The following EYS variants were observed in gnomAD, a reference collection of about 807,000 sequenced individuals.
The protein encoded by EYS is EGF-like photoreceptor maintenance factor.
Under a neutral mutation model 282.1 loss-of-function variants are expected in EYS, and 250 were observed. That is an observed-to-expected ratio of 0.89 (90% confidence interval 0.80 to 0.98). The LOEUF (loss-of-function observed/expected upper bound fraction) is 0.98, where lower values mean the gene tolerates loss of function less well. Among genes scored for constraint, EYS ranks in the 50% least tolerant of loss-of-function variants. The pLI is 0.00. For synonymous variants in EYS, 1,355 were observed against 1,282.9 expected, an observed-to-expected ratio of 1.06 and a Z score of -1.20; for missense variants, 4,016 against 3,709.0, an observed-to-expected ratio of 1.08 and a Z score of -2.15.
At chr6:65,177,101 G>A (rs1336110944) in intron 12 of EYS, among the ~76,000 whole-genome samples, 1 of 151,570 alleles carries the variant, frequency 6.6e-6, no homozygotes, top group Non-Finnish European at 1.5e-5. Context: ...TTAACTAAGG[G>A]AATTTGTAAT....
At chr6:64,450,795 T>C (rs1342913691) in intron 26 of EYS, among the ~76,000 whole-genome samples, 2 of 152,292 alleles carry the variant, frequency 1.3e-5, no homozygotes, top group Admixed American at 1.3e-4. Context: ...AATAAAGATG[T>C]TCTTTGAAAG....
intron 22 of EYS, among the ~76,000 whole-genome samples, chr6:64,666,243 TTAAAAA>T (rs1346694022): frequency 6.6e-5 from 10 of 152,144 alleles, no homozygotes; most frequent in Admixed American, 2.6e-4. Context: ...AACCTAAAAC[TTAAAAA>T]TAAAACAAAA....
intron 22 of EYS, among the ~76,000 whole-genome samples, chr6:64,634,834 T>C (rs1767917474): frequency 6.6e-6 from 1 of 152,170 alleles, no homozygotes; most frequent in South Asian, 2.1e-4. Context: ...TAAAAGAAAT[T>C]AGATTTTTAT....
rs569942971 is a variant in EYS, at chr6:65,666,336, G to C, written c.-447-26444C>G. ...TAGAAGCAATAGTAGTTAAAAACAG[G>C]GACTTTGGAGCCAGAATAATCTGTA... On this transcript the variant is annotated intron_variant, in intron 1 of 42. Transcript: ENST00000503581. 2.5e-3 allele frequency among the ~76,000 whole-genome samples: 380 copies of C among 151,724 alleles called. 3 individuals are homozygous for C. Among genetic ancestry groups the C allele is most frequent in the African/African-American group, 8.6e-3 (358 of 41,472 alleles).
intron 33 of EYS, among the ~76,000 whole-genome samples, chr6:64,021,992 T>G (rs1562156078): frequency 6.6e-6 from 1 of 152,212 alleles, no homozygotes; most frequent in Non-Finnish European, 1.5e-5. Context: ...TGTATGCAAG[T>G]TTTCTATTTT....
chr6:64,098,786 A>G (rs900080545), intron 31 of EYS, among the ~76,000 whole-genome samples: 4 of 151,878 alleles, frequency 2.6e-5, no homozygotes, highest in Admixed American at 2.6e-4. Context: ...ACTTTTTAGT[A>G]GAGGTACAGG....
At chr6:64,830,650 G>A (rs980149206) in intron 19 of EYS, among the ~76,000 whole-genome samples, 1 of 151,918 alleles carries the variant, frequency 6.6e-6, no homozygotes, top group Non-Finnish European at 1.5e-5. Flanking sequence ...AGAAATTGGA[G>A]TTCTTCCCAG....
At chr6:65,334,870 A>T in intron 11 of EYS, 110 bp downstream of exon 11, 2 of 988,342 alleles carry the variant, frequency 2.0e-6, no homozygotes, top group Non-Finnish European at 3.1e-6. Flanking sequence ...TGGAAATTCC[A>T]ATCATTTTAA....
At chr6:64,445,714 G>A (rs1470435444) in intron 26 of EYS, among the ~76,000 whole-genome samples, 1 of 152,100 alleles carries the variant, frequency 6.6e-6, no homozygotes, top group Non-Finnish European at 1.5e-5. Flanking sequence ...CCAATGTGAT[G>A]GCTAGTCACT....
intron 22 of EYS, among the ~76,000 whole-genome samples, chr6:64,806,621 AG>A (rs1194378692): frequency 1.3e-5 from 2 of 152,190 alleles, no homozygotes; most frequent in African/African-American, 2.4e-5. Flanking sequence ...AGTTCAAGGT[AG>A]AAAGAGTAAT....
At chr6:63,964,647 A>T (rs1448491651) in intron 35 of EYS, among the ~76,000 whole-genome samples, 2 of 152,214 alleles carry the variant, frequency 1.3e-5, no homozygotes, top group East Asian at 3.8e-4. Flanking sequence ...TGACTTTATA[A>T]TTTAGCTCTG....
At chr6:65,211,878 T>C (rs1766184417) in intron 12 of EYS, among the ~76,000 whole-genome samples, 1 of 151,964 alleles carries the variant, frequency 6.6e-6, no homozygotes, top group Non-Finnish European at 1.5e-5. Flanking sequence ...CGAATATCAC[T>C]CAGAGGAAAC....
chr6:63,996,962 G>C (rs1279842177), intron 34 of EYS, among the ~76,000 whole-genome samples: 1 of 151,944 alleles, frequency 6.6e-6, no homozygotes, highest in Admixed American at 6.6e-5. Context: ...AACCCCTTTG[G>C]TGTCAATCTG....
intron 19 of EYS, among the ~76,000 whole-genome samples, chr6:64,865,415 G>A (rs1007983601): frequency 2.0e-5 from 3 of 152,054 alleles, no homozygotes; most frequent in East Asian, 1.9e-4. Context: ...GTATGTGAAC[G>A]CCATTAGAAA....
chr6:65,059,722 T>A (rs1309518179), intron 12 of EYS, among the ~76,000 whole-genome samples: 3 of 152,052 alleles, frequency 2.0e-5, no homozygotes, highest in Non-Finnish European at 4.4e-5. Context: ...TGTAAAGAGG[T>A]AACAAGAGAA....
intron 36 of EYS, among the ~76,000 whole-genome samples, chr6:63,841,991 T>C (rs1383874820): frequency 1.3e-5 from 2 of 152,230 alleles, no homozygotes. Flanking sequence ...CCACATTTTC[T>C]TTATCCAGTC....
At chr6:64,949,988 T>C (rs1769430084) in intron 14 of EYS, among the ~76,000 whole-genome samples, 1 of 151,926 alleles carries the variant, frequency 6.6e-6, no homozygotes, top group African/African-American at 2.4e-5. Flanking sequence ...CGTCAAAGAA[T>C]AATTGACAGA....
At chr6:64,195,515 C>T (rs575370817) in intron 31 of EYS, among the ~76,000 whole-genome samples, 161 of 152,250 alleles carry the variant, frequency 1.1e-3, no homozygotes, top group Middle Eastern at 3.4e-3. Context: ...ATTGGCCAGG[C>T]TGGTTTCAAA....
At chr6:63,857,260 C>T (rs1046534797) in intron 36 of EYS, among the ~76,000 whole-genome samples, 1 of 152,206 alleles carries the variant, frequency 6.6e-6, no homozygotes, top group Non-Finnish European at 1.5e-5. Flanking sequence ...TCATGCTACT[C>T]TTCAAGAGAT....
Sources: gnomAD v4.1 joint callset for allele counts (sites outside exome capture counted in the v4.1 genomes callset) on GRCh38, gnomAD v4.1.1 for gene constraint, MANE v1.5 for transcripts, NCBI Gene and HGNC (gene_info 2026-07-23, HGNC 2026-07-21) for gene names.